Variants in ADAM12 observed in about 807,000 individuals in gnomAD.
ADAM12 encodes the protein disintegrin and metalloproteinase domain-containing protein 12.
Under a neutral mutation model 106.4 loss-of-function variants are expected in ADAM12, and 70 were observed. The ratio of observed to expected loss-of-function variants is 0.66; its 90% CI spans 0.54 to 0.80. The LOEUF is 0.80. ADAM12 is among the 30% of genes least tolerant of loss of function. The pLI, the probability that ADAM12 is intolerant of heterozygous loss-of-function variation, is 0.00. For synonymous variants in ADAM12, 420 were observed against 433.5 expected, an observed-to-expected ratio of 0.97 and a Z score of 0.39; for missense variants, 1,010 against 1,171.9, an observed-to-expected ratio of 0.86 and a Z score of 2.02.
chr10:126,190,801 G>T (rs114331997), intron 3 of ADAM12, among the ~76,000 whole-genome samples: 13 of 152,162 alleles, frequency 8.5e-5, no homozygotes, highest in African/African-American at 2.9e-4. Flanking sequence ...GGGGAGGAAT[G>T]TTCCCACACA....
At chr10:126,082,437 C>T (rs954050773) in intron 11 of ADAM12, among the ~76,000 whole-genome samples, 3 of 137,940 alleles carry the variant, frequency 2.2e-5, no homozygotes, top group African/African-American at 5.5e-5. Flanking sequence ...GGTGCGATCT[C>T]GGCTCACCGT....
intron 2 of ADAM12, among the ~76,000 whole-genome samples, chr10:126,315,364 G>A (rs972836236): frequency 2.0e-5 from 3 of 152,160 alleles, no homozygotes; most frequent in Non-Finnish European, 2.9e-5. Flanking sequence ...CGTAATGCCT[G>A]CTGGAGCCAA....
At chr10:126,203,669 C>A (rs897034659) in intron 3 of ADAM12, among the ~76,000 whole-genome samples, 1 of 152,238 alleles carries the variant, frequency 6.6e-6, no homozygotes, top group South Asian at 2.1e-4. Context: ...GCTTATCTGA[C>A]AGGATCTGAT....
rs1956062819 is a variant in ADAM12 at position 126,120,366 on chromosome 10, G to C, written c.417-2142C>G. On this transcript the variant is annotated intron_variant, in intron 5 of 22. Transcript: ENST00000448723. ...ATACACCCTTCTTCTTAGGAGAAAG[G>C]GAGATAGGGAAGTATGGATAATTTT... Among the ~76,000 whole-genome samples, 4 of 152,188 alleles carry C rather than the reference G, an allele frequency of 2.6e-5. No individual in the cohort carries two copies. The South Asian group carries it at 8.3e-4, about 31-fold the overall frequency.
At chr10:126,128,994 T>A (rs1956258378) in intron 5 of ADAM12, among the ~76,000 whole-genome samples, 1 of 152,258 alleles carries the variant, frequency 6.6e-6, no homozygotes, top group Non-Finnish European at 1.5e-5. Flanking sequence ...CACCTCGTGC[T>A]CAGGTGTCAC....
intron 10 of ADAM12, among the ~76,000 whole-genome samples, chr10:126,095,981 G>C (rs1955551438): frequency 6.6e-6 from 1 of 152,196 alleles, no homozygotes; most frequent in African/African-American, 2.4e-5. Context: ...TTACAGGTTT[G>C]TTGACAGTGT....
chr10:126,235,246 G>A (rs2034655946), intron 3 of ADAM12, among the ~76,000 whole-genome samples: 1 of 152,244 alleles, frequency 6.6e-6, no homozygotes, highest in African/African-American at 2.4e-5. Flanking sequence ...TGGCCTGACT[G>A]ACCGGTGACC....
At chr10:126,234,179 G>A (rs1377962082) in intron 3 of ADAM12, among the ~76,000 whole-genome samples, 1 of 152,100 alleles carries the variant, frequency 6.6e-6, no homozygotes, top group African/African-American at 2.4e-5. Context: ...GAAAAAAGAT[G>A]GGAAGGAAGG....
chr10:126,028,745 G>A (rs913551618), intron 21 of ADAM12, among the ~76,000 whole-genome samples: 8 of 152,046 alleles, frequency 5.3e-5, no homozygotes, highest in African/African-American at 1.4e-4. Context: ...ATAGGCATGC[G>A]AAAAGATTTC....
chr10:126,246,545 T>G lies in ADAM12; in HGVS notation c.260+32370A>C, dbSNP rs558052200. Among the ~76,000 whole-genome samples the G allele has an allele frequency of 5.3e-4, 81 of 152,296 alleles. 1 individual carries two copies. The highest frequency in any genetic ancestry group is 1.8e-3 in the African/African-American group (76 of 41,556). ...GAAAAGCTTATCCACCACAATCAAG[T>G]AGGCTTCATCCCTGGGATGCAAAGT... On this transcript the variant is annotated intron_variant, in intron 3 of 22. Transcript: ENST00000448723.
chr10:126,347,056 C>T (rs1855167507), intron 1 of ADAM12, among the ~76,000 whole-genome samples: 1 of 152,116 alleles, frequency 6.6e-6, no homozygotes, highest in Non-Finnish European at 1.5e-5. Flanking sequence ...TGAATTTGAT[C>T]CTGTCATTAT....
chr10:126,206,997 G>T (rs764248083), intron 3 of ADAM12, among the ~76,000 whole-genome samples: 5 of 152,028 alleles, frequency 3.3e-5, no homozygotes, highest in African/African-American at 1.2e-4. Context: ...CTTTTCTCTC[G>T]TCTGCTGCCA....
intron 3 of ADAM12, among the ~76,000 whole-genome samples, chr10:126,200,151 G>A (rs1957672057): frequency 6.6e-6 from 1 of 152,142 alleles, no homozygotes; most frequent in African/African-American, 2.4e-5. Context: ...ACATAATGAG[G>A]TGGAACAGGT....
intron 1 of ADAM12, among the ~76,000 whole-genome samples, chr10:126,353,504 A>G (rs1855431822): frequency 6.6e-6 from 1 of 152,224 alleles, no homozygotes; most frequent in South Asian, 2.1e-4. Context: ...CAAGGTTCAG[A>G]AAGCAACAAG....
At chr10:126,285,440 T>G (rs529636835) in intron 2 of ADAM12, among the ~76,000 whole-genome samples, 8 of 152,366 alleles carry the variant, frequency 5.3e-5, no homozygotes, top group Admixed American at 1.3e-4. Flanking sequence ...TGCAGGCATG[T>G]GCATGAACAC....
chr10:126,175,342 G>A (rs1957200881), intron 3 of ADAM12, among the ~76,000 whole-genome samples: 1 of 152,178 alleles, frequency 6.6e-6, no homozygotes, highest in Non-Finnish European at 1.5e-5. Flanking sequence ...TGCTGGCGGG[G>A]CAACCTTACA....
intron 21 of ADAM12, among the ~76,000 whole-genome samples, chr10:126,032,088 T>G (rs1953981744): frequency 6.6e-6 from 1 of 152,102 alleles, no homozygotes; most frequent in Admixed American, 6.6e-5. Context: ...AAATGGTTTC[T>G]ATAAAGACCT....
intron 3 of ADAM12, among the ~76,000 whole-genome samples, chr10:126,236,092 C>G (rs577310399): frequency 6.6e-6 from 1 of 152,168 alleles, no homozygotes; most frequent in Non-Finnish European, 1.5e-5. Flanking sequence ...AGGCCACCAG[C>G]GCGGAAGGAG....
chr10:126,150,223 C>T (rs1956704784), intron 4 of ADAM12, among the ~76,000 whole-genome samples: 1 of 152,162 alleles, frequency 6.6e-6, no homozygotes. Flanking sequence ...TGGAGATAGC[C>T]TCAGTGCTGA....
Sources: gnomAD v4.1 joint callset for allele counts (sites outside exome capture counted in the v4.1 genomes callset) on GRCh38, gnomAD v4.1.1 for gene constraint, MANE v1.5 for transcripts, NCBI Gene and HGNC (gene_info 2026-07-23, HGNC 2026-07-21) for gene names.